The following DLGAP2 variants were observed in gnomAD, a reference collection of about 807,000 sequenced individuals.
DLGAP2 encodes DLG associated protein 2, also known as disks large-associated protein 2.
DLGAP2 carries 26 observed loss-of-function variants against 100.3 expected under a neutral mutation model. That is an observed-to-expected ratio of 0.26 (90% confidence interval 0.19 to 0.36). The LOEUF (loss-of-function observed/expected upper bound fraction) is 0.36, where lower values mean the gene tolerates loss of function less well. Ranked by LOEUF, DLGAP2 falls within the 10% of genes least tolerant of loss-of-function variation. The pLI is 1.00. For missense variants in DLGAP2, 1,858 were observed against 1,453.2 expected, an observed-to-expected ratio of 1.28 and a Z score of -4.53; for synonymous variants, 886 against 630.1, an observed-to-expected ratio of 1.41 and a Z score of -6.08.
At chr8:745,616 A>G (rs1820599705) in intron 1 of DLGAP2, among the ~76,000 whole-genome samples, 1 of 152,270 alleles carries the variant, frequency 6.6e-6, no homozygotes, top group Non-Finnish European at 1.5e-5. Context: ...ATGAATTTAC[A>G]ATAAGTTAGC....
At chr8:1,666,365 T>C (rs977234312) in intron 8 of DLGAP2, among the ~76,000 whole-genome samples, 15 of 152,178 alleles carry the variant, frequency 9.9e-5, no homozygotes, top group African/African-American at 3.6e-4. Context: ...TTCCAATGCA[T>C]GCTTTTTACA....
Position 1,705,620 on chromosome 8 carries a change from C to T in DLGAP2, c.*4214C>T, listed in dbSNP as rs1187719952. On this transcript the variant is annotated 3_prime_UTR_variant, in exon 15 of 15. Coordinates refer to ENST00000637795, the MANE Select transcript of DLGAP2 (RefSeq NM_001346810.2). Reference sequence around the variant, plus strand: ...ACTGAAATTGCCCCACCTGTGAGCACAGAAACACGCTTCTCCAACACGGGC... The same window carrying T: ...ACTGAAATTGCCCCACCTGTGAGCATAGAAACACGCTTCTCCAACACGGGC... The T allele has an allele frequency of 1.3e-5, 2 of 152,392 alleles. No individual in the cohort carries two copies. 9.4% of individuals were successfully genotyped at this position (152,392 alleles called of 1,614,324 possible). A position where few individuals can be genotyped will look rare whatever the true frequency, so the allele number is the denominator to read the frequency against.
intron 4 of DLGAP2, among the ~76,000 whole-genome samples, chr8:1,507,461 C>A (rs1296513002): frequency 6.6e-6 from 1 of 152,184 alleles, no homozygotes; most frequent in East Asian, 1.9e-4. Context: ...GCCGCGGAGC[C>A]CGCGCCCACC....
At chr8:761,348 A>G (rs938103687) in intron 1 of DLGAP2, among the ~76,000 whole-genome samples, 1 of 152,168 alleles carries the variant, frequency 6.6e-6, no homozygotes, top group South Asian at 2.1e-4. Flanking sequence ...AGGCACATCC[A>G]TACAGTTCCT....
At chr8:957,886 T>C (rs1799631661) in intron 2 of DLGAP2, among the ~76,000 whole-genome samples, 1 of 152,146 alleles carries the variant, frequency 6.6e-6, no homozygotes, top group Non-Finnish European at 1.5e-5. Context: ...GGGAAAAATA[T>C]ATTAAAAACA....
intron 3 of DLGAP2, among the ~76,000 whole-genome samples, chr8:1,340,653 C>T (rs1801396731): frequency 6.6e-6 from 1 of 152,218 alleles, no homozygotes; most frequent in South Asian, 2.1e-4. Context: ...AATTCAGCCA[C>T]TGTGGAAGAC....
chr8:1,009,364 G>A (rs774246988), intron 2 of DLGAP2, among the ~76,000 whole-genome samples: 4 of 152,136 alleles, frequency 2.6e-5, no homozygotes, highest in Non-Finnish European at 4.4e-5. Flanking sequence ...TTTCTATAAT[G>A]GTTTATTTGA....
intron 2 of DLGAP2, among the ~76,000 whole-genome samples, chr8:1,158,248 A>T (rs1426477014): frequency 6.6e-6 from 1 of 152,252 alleles, no homozygotes; most frequent in Non-Finnish European, 1.5e-5. Flanking sequence ...AATTAAAATG[A>T]GGCAATGTAA....
intron 1 of DLGAP2, among the ~76,000 whole-genome samples, chr8:817,111 A>C (rs898237681): frequency 8.1e-5 from 12 of 147,984 alleles, no homozygotes; most frequent in Admixed American, 2.0e-4. Context: ...GCTGCACTCC[A>C]GCCTGGGCGA....
At chr8:1,560,737 C>T (rs775216355) in intron 5 of DLGAP2, among the ~76,000 whole-genome samples, 3 of 152,230 alleles carry the variant, frequency 2.0e-5, no homozygotes, top group Non-Finnish European at 4.4e-5. Context: ...AGTGCTCAAA[C>T]TTCCTCACTG....
chr8:1,267,520 C>G (rs1429103337), intron 3 of DLGAP2, among the ~76,000 whole-genome samples: 3 of 149,138 alleles, frequency 2.0e-5, no homozygotes, highest in Non-Finnish European at 4.4e-5. Context: ...GATTGTGCCA[C>G]TGCACTCCAG....
At chr8:1,664,578 T>A (rs1417495983) in intron 8 of DLGAP2, among the ~76,000 whole-genome samples, 1 of 152,204 alleles carries the variant, frequency 6.6e-6, no homozygotes, top group Non-Finnish European at 1.5e-5. Context: ...GCACTTTACG[T>A]CGGTGCCCAA....
intron 1 of DLGAP2, among the ~76,000 whole-genome samples, chr8:814,716 G>C (rs971685198): frequency 6.6e-6 from 1 of 151,712 alleles, no homozygotes; most frequent in African/African-American, 2.4e-5. Context: ...AGCTGGGCGT[G>C]GTGGCAGGTG....
At chr8:1,513,807 C>T (rs535044704) in intron 4 of DLGAP2, among the ~76,000 whole-genome samples, 6 of 152,342 alleles carry the variant, frequency 3.9e-5, no homozygotes, top group South Asian at 2.1e-4. Context: ...CCCATGGTCA[C>T]GTTCGTACAG....
chr8:1,242,214 G>C (rs1004952731), intron 2 of DLGAP2, among the ~76,000 whole-genome samples: 11 of 152,228 alleles, frequency 7.2e-5, no homozygotes, highest in Non-Finnish European at 1.3e-4. Flanking sequence ...TCTGGGAACT[G>C]AGGGCCTGAG....
At chr8:773,440 G>A (rs1037673058) in intron 1 of DLGAP2, among the ~76,000 whole-genome samples, 6 of 151,522 alleles carry the variant, frequency 4.0e-5, no homozygotes, top group African/African-American at 1.5e-4. Flanking sequence ...CTGGTGCGCT[G>A]CACTCACTAA....
chr8:741,416 C>T (rs1563405765), intron 1 of DLGAP2, among the ~76,000 whole-genome samples: 1 of 152,150 alleles, frequency 6.6e-6, no homozygotes, highest in Admixed American at 6.5e-5. Context: ...CTTCATCTGC[C>T]TATGAAAATC....
chr8:1,179,795 A>C (rs1210166438), intron 2 of DLGAP2, among the ~76,000 whole-genome samples: 1 of 152,228 alleles, frequency 6.6e-6, no homozygotes, highest in Non-Finnish European at 1.5e-5. Context: ...AAAATATTTT[A>C]GGGTTCACGG....
At chr8:1,486,784 G>A (rs773304008) in intron 3 of DLGAP2, among the ~76,000 whole-genome samples, 10 of 152,220 alleles carry the variant, frequency 6.6e-5, no homozygotes, top group Non-Finnish European at 1.0e-4. Context: ...GGCAACATGA[G>A]AATCATGCAT....
Sources: allele counts gnomAD v4.1 joint callset (sites outside exome capture counted in the v4.1 genomes callset), GRCh38; gene constraint gnomAD v4.1.1; transcripts MANE v1.5; gene names NCBI Gene and HGNC (gene_info 2026-07-23, HGNC 2026-07-21).